SPMIP11: variants seen among roughly 807,000 people sequenced by gnomAD.
The protein encoded by SPMIP11 is sperm microtubule inner protein 11, also known as long intergenic non-protein coding RNA 935.
chr12:48,740,102 T>C, the SPMIP11 span, among the ~76,000 whole-genome samples: 8 of 152,274 alleles, frequency 5.3e-5, no homozygotes, highest in East Asian at 1.3e-3. Flanking sequence ...GATGATGTCA[T>C]TTTAGCAAAT....
At chr12:48,764,992 C>G in the SPMIP11 span, 1 of 702,694 alleles carries the variant, frequency 1.4e-6, no homozygotes, top group East Asian at 2.7e-5. Context: ...AGCGCGATGA[C>G]CAGGTTAGGC....
At chr12:48,758,882 G>A in the SPMIP11 span, among the ~76,000 whole-genome samples, 44 of 152,328 alleles carry the variant, frequency 2.9e-4, 1 homozygote, top group Non-Finnish European at 1.0e-4. Context: ...GCCAATCCCA[G>A]GAAAGGAATG....
chr12:48,732,869 G>A, the SPMIP11 span, among the ~76,000 whole-genome samples: 184 of 150,554 alleles, frequency 1.2e-3, 3 homozygotes, highest in African/African-American at 3.0e-3. Context: ...GGCTGGGAGC[G>A]GTGGCTCACT....
chr12:48,727,508 G>A, the SPMIP11 span: 1 of 702,708 alleles, frequency 1.4e-6, no homozygotes, highest in African/African-American at 1.7e-5. Flanking sequence ...GTATCTATTG[G>A]GATATCAAAA....
At chr12:48,749,689 C>T in the SPMIP11 span, among the ~76,000 whole-genome samples, 1 of 130,970 alleles carries the variant, frequency 7.6e-6, no homozygotes, top group African/African-American at 2.8e-5. Flanking sequence ...TCTGGTTCTT[C>T]TTCTTCTTTT....
the SPMIP11 span, among the ~76,000 whole-genome samples, chr12:48,744,347 A>T: frequency 1.3e-5 from 2 of 151,986 alleles, no homozygotes; most frequent in East Asian, 1.9e-4. Context: ...TAGAGATTGC[A>T]GTGAGCTGAG....
At chr12:48,743,699 T>C in the SPMIP11 span, among the ~76,000 whole-genome samples, 1 of 151,910 alleles carries the variant, frequency 6.6e-6, no homozygotes, top group Admixed American at 6.6e-5. Context: ...CCCAGCACTT[T>C]GGGAGGCCAA....
chr12:48,746,345 C>T, the SPMIP11 span, among the ~76,000 whole-genome samples: 1 of 150,616 alleles, frequency 6.6e-6, no homozygotes, highest in Admixed American at 6.6e-5. Flanking sequence ...ACCTGTAATC[C>T]AAGCACTATA....
At chr12:48,747,267 G>T in the SPMIP11 span, among the ~76,000 whole-genome samples, 3 of 152,182 alleles carry the variant, frequency 2.0e-5, no homozygotes, top group South Asian at 6.2e-4. Flanking sequence ...GAGATTACAG[G>T]CATGAGCCAC....
the SPMIP11 span, among the ~76,000 whole-genome samples, chr12:48,769,643 G>C: frequency 4.0e-4 from 60 of 149,464 alleles, no homozygotes; most frequent in African/African-American, 1.5e-3. Flanking sequence ...ATGGAGTGCA[G>C]TGGCACAATC....
At chr12:48,771,027 C>T in the SPMIP11 span, 1 of 1,559,260 alleles carries the variant, frequency 6.4e-7, no homozygotes, top group Non-Finnish European at 8.8e-7. The surrounding 1 kb of genome is among the most constrained non-coding windows in gnomAD (Gnocchi z 4.3). Context: ...CCAGCCCTGC[C>T]CCAACACTCA....
the SPMIP11 span, among the ~76,000 whole-genome samples, chr12:48,753,692 CTTTT>C: frequency 3.5e-4 from 42 of 118,816 alleles, no homozygotes; most frequent in Non-Finnish European, 5.7e-4. Flanking sequence ...TTTTTTTTTT[CTTTT>C]TTTTTTTTTT....
the SPMIP11 span, among the ~76,000 whole-genome samples, chr12:48,731,064 A>G: frequency 4.6e-5 from 7 of 152,346 alleles, no homozygotes; most frequent in Admixed American, 2.0e-4. Flanking sequence ...TCTTAAACAC[A>G]TTATTTATGA....
chr12:48,770,133 C>T, the SPMIP11 span, among the ~76,000 whole-genome samples: 3 of 147,240 alleles, frequency 2.0e-5, no homozygotes, highest in South Asian at 2.2e-4. Context: ...CTTGAACTCC[C>T]GACCTCATGA....
At chr12:48,734,555 A>T in the SPMIP11 span, among the ~76,000 whole-genome samples, 3 of 152,220 alleles carry the variant, frequency 2.0e-5, no homozygotes, top group Non-Finnish European at 2.9e-5. Flanking sequence ...TCTAAGAATT[A>T]TCCTCAATAA....
the SPMIP11 span, among the ~76,000 whole-genome samples, chr12:48,733,173 C>T: frequency 7.1e-6 from 1 of 141,802 alleles, no homozygotes; most frequent in Non-Finnish European, 1.5e-5. Flanking sequence ...CTCCCAGTTT[C>T]AAACAATTCT....
chr12:48,749,568 G>A, the SPMIP11 span, among the ~76,000 whole-genome samples: 1 of 146,318 alleles, frequency 6.8e-6, no homozygotes, highest in African/African-American at 2.6e-5. Context: ...CCAGGAGGCA[G>A]AGCTTTCGGT....
At chr12:48,736,552 C>T in the SPMIP11 span, among the ~76,000 whole-genome samples, 1 of 151,998 alleles carries the variant, frequency 6.6e-6, no homozygotes, top group Non-Finnish European at 1.5e-5. Flanking sequence ...ACTCAAAACA[C>T]AGCAATCTGT....
chr12:48,731,288 C>G, the SPMIP11 span, among the ~76,000 whole-genome samples: 1 of 152,088 alleles, frequency 6.6e-6, no homozygotes, highest in Non-Finnish European at 1.5e-5. Context: ...GTCAGGAGAT[C>G]GATACCATCC....
Sources: allele counts gnomAD v4.1 joint callset (sites outside exome capture counted in the v4.1 genomes callset), GRCh38; gene constraint gnomAD v4.1.1; non-coding constraint Gnocchi (gnomAD v3.1); transcripts MANE v1.5; gene names NCBI Gene and HGNC (gene_info 2026-07-23, HGNC 2026-07-21).